BLTP1: variants seen among roughly 807,000 people sequenced by gnomAD.
The protein encoded by BLTP1 is bridge-like lipid transfer protein family member 1.
At chr4:122,157,391 A>G in the BLTP1 span, among the ~76,000 whole-genome samples, 60 of 151,860 alleles carry the variant, frequency 4.0e-4, no homozygotes, top group Middle Eastern at 3.4e-3. Flanking sequence ...TTGTAGAACA[A>G]TTTTTCCGTG....
chr4:122,222,950 G>A, the BLTP1 span: 2 of 944,226 alleles, frequency 2.1e-6, no homozygotes, highest in Non-Finnish European at 2.5e-6. Context: ...CCTTAGGAAA[G>A]CCCAAGATCC....
the BLTP1 span, among the ~76,000 whole-genome samples, chr4:122,277,280 A>G: frequency 0.62 from 94,871 of 152,064 alleles, 29,942 homozygotes; most frequent in Middle Eastern, 0.79. Context: ...GGTCCAGGCT[A>G]TAGTGAGCTA....
the BLTP1 span, among the ~76,000 whole-genome samples, chr4:122,230,512 A>G: frequency 1.3e-4 from 20 of 152,272 alleles, 1 homozygote; most frequent in South Asian, 2.9e-3. Context: ...AACGTTTTGT[A>G]AAGTACTACA....
chr4:122,327,097 G>A, the BLTP1 span, among the ~76,000 whole-genome samples: 1 of 65,710 alleles, frequency 1.5e-5, no homozygotes, highest in African/African-American at 5.0e-5. Flanking sequence ...GGTCATAGGG[G>A]GGTGTTTTGT....
the BLTP1 span, among the ~76,000 whole-genome samples, chr4:122,163,735 C>T: frequency 1.3e-5 from 2 of 152,150 alleles, no homozygotes; most frequent in Non-Finnish European, 1.5e-5. Context: ...AGGTATTTTG[C>T]CCACAATCAC....
chr4:122,200,596 A>C, the BLTP1 span: 4 of 984,942 alleles, frequency 4.1e-6, no homozygotes, highest in African/African-American at 7.0e-5. Flanking sequence ...AAAAAAAAAA[A>C]AAAAAATGCC....
the BLTP1 span, chr4:122,200,591 A>C: frequency 4.1e-5 from 40 of 983,738 alleles, no homozygotes; most frequent in Non-Finnish European, 4.7e-5. Context: ...AACAAAAAAA[A>C]AAAAAAAAAA....
the BLTP1 span, chr4:122,174,784 T>C: frequency 1.4e-6 from 1 of 720,820 alleles, no homozygotes. Context: ...TTTTTTCCAG[T>C]AAATCATACT....
chr4:122,263,098 T>G, the BLTP1 span: 4 of 1,378,806 alleles, frequency 2.9e-6, no homozygotes, highest in Non-Finnish European at 3.8e-6. Context: ...CTCTCATACC[T>G]TATCTTTGAG....
the BLTP1 span, chr4:122,153,877 C>A: frequency 2.1e-6 from 1 of 475,724 alleles, no homozygotes; most frequent in Non-Finnish European, 2.7e-6. Context: ...TGTTTGGAAA[C>A]TTTAAACAAG....
the BLTP1 span, among the ~76,000 whole-genome samples, chr4:122,360,360 T>C: frequency 0.028 from 4,245 of 152,286 alleles, 137 homozygotes; most frequent in African/African-American, 0.08. Flanking sequence ...TTTCTATAAC[T>C]AGTGGTGCTT....
chr4:122,350,151 T>C, the BLTP1 span: 144 of 1,498,750 alleles, frequency 9.6e-5, no homozygotes, highest in African/African-American at 1.9e-3. Context: ...AAAATAATAA[T>C]AATCTGTATG....
the BLTP1 span, among the ~76,000 whole-genome samples, chr4:122,319,603 G>C: frequency 1.4e-5 from 2 of 148,022 alleles, no homozygotes; most frequent in African/African-American, 5.0e-5. Context: ...GTGAAGTGGT[G>C]TGATCTTGGT....
the BLTP1 span, among the ~76,000 whole-genome samples, chr4:122,323,404 T>C: frequency 6.6e-6 from 1 of 151,808 alleles, no homozygotes; most frequent in Non-Finnish European, 1.5e-5. Context: ...AAAAAAGTAA[T>C]TGGTTTTAAA....
chr4:122,299,414 CAG>C, the BLTP1 span, among the ~76,000 whole-genome samples: 1 of 151,992 alleles, frequency 6.6e-6, no homozygotes, highest in African/African-American at 2.4e-5. Flanking sequence ...GCTCAAGGAA[CAG>C]GGATGTGTAA....
At chr4:122,254,144 G>C in the BLTP1 span, 8 of 1,563,662 alleles carry the variant, frequency 5.1e-6, no homozygotes, top group Non-Finnish European at 6.1e-6. Context: ...CTGTGTTAGT[G>C]GTTTTAAGGG....
At chr4:122,342,362 A>AT in the BLTP1 span, among the ~76,000 whole-genome samples, 17 of 149,686 alleles carry the variant, frequency 1.1e-4, no homozygotes, top group African/African-American at 3.7e-4. Context: ...TTATTTATTT[A>AT]TTTTTTTTTT....
the BLTP1 span, chr4:122,222,871 A>C: frequency 5.0e-6 from 2 of 400,588 alleles, no homozygotes; most frequent in Non-Finnish European, 6.8e-6. Context: ...ATGCCATTCA[A>C]CCCACGCATG....
chr4:122,267,733 G>A, the BLTP1 span: 6 of 397,768 alleles, frequency 1.5e-5, no homozygotes, highest in Non-Finnish European at 2.0e-5. Context: ...TGTCATGGAT[G>A]GTTCTTCAGT....
Sources: gnomAD v4.1 joint callset for allele counts (sites outside exome capture counted in the v4.1 genomes callset) on GRCh38, gnomAD v4.1.1 for gene constraint, MANE v1.5 for transcripts, NCBI Gene and HGNC (gene_info 2026-07-23, HGNC 2026-07-21) for gene names.